The following FRMPD4 variants were observed in gnomAD, a reference collection of about 807,000 sequenced individuals.
FRMPD4 encodes FERM and PDZ domain-containing protein 4.
FRMPD4 carries 22 observed loss-of-function variants against 94.1 expected under a neutral mutation model. The ratio of observed to expected loss-of-function variants is 0.23; its 90% CI spans 0.17 to 0.33. The LOEUF (loss-of-function observed/expected upper bound fraction) is 0.33. Ranked by LOEUF, FRMPD4 falls within the 10% of genes least tolerant of loss-of-function variation. FRMPD4 has a pLI of 1.00. For synonymous variants in FRMPD4, 631 were observed against 548.6 expected (o/e 1.15, Z -2.10); for missense variants, 1,111 against 1,339.9 (o/e 0.83, Z 2.67).
rs2053686640 is a variant in FRMPD4, at chrX:11,861,479, C to A, written c.-160-3607C>A. ...AAACAAAATATGAAATAAAGAAGGT[C>A]ATTTAGCTTAACTTTTACTCCTGGA... On this transcript the variant is annotated intron_variant, in intron 1 of 18. Transcript: ENST00000640291. 2.7e-5 allele frequency among the ~76,000 whole-genome samples: 3 copies of A among 111,431 alleles called. No homozygotes were observed. The South Asian group carries it at 1.1e-3, about 42-fold the overall frequency.
At chrX:12,679,135 C>T (rs1192152422) in intron 5 of FRMPD4, among the ~76,000 whole-genome samples, 1 of 112,137 alleles carries the variant, frequency 8.9e-6, no homozygotes, top group Non-Finnish European at 1.9e-5. Context: ...ATGGAGAACA[C>T]CTGTGAGTCT....
At chrX:12,409,836 G>A (rs2056710526) in intron 1 of FRMPD4, among the ~76,000 whole-genome samples, 1 of 111,229 alleles carries the variant, frequency 9.0e-6, no homozygotes, top group African/African-American at 3.3e-5. Flanking sequence ...CGTGGGGGTA[G>A]GGGCAAAAAG....
At chrX:12,017,360 T>C (rs1426613614) in intron 3 of FRMPD4, among the ~76,000 whole-genome samples, 1 of 112,843 alleles carries the variant, frequency 8.9e-6, no homozygotes, top group Non-Finnish European at 1.9e-5. Flanking sequence ...TGGCTGTGTT[T>C]ATAACATCCT....
chrX:11,840,855 T>A (rs1302375832), intron 1 of FRMPD4, among the ~76,000 whole-genome samples: 2 of 107,048 alleles, frequency 1.9e-5, no homozygotes, highest in African/African-American at 3.4e-5. Context: ...TAACTCGTCA[T>A]TTAGCATTAC....
chrX:12,062,260 A>G (rs190671799), intron 3 of FRMPD4, among the ~76,000 whole-genome samples: 47 of 111,866 alleles, frequency 4.2e-4, no homozygotes, highest in African/African-American at 1.4e-3. Context: ...TTTTCAGTAC[A>G]TACAAATCCA....
intron 1 of FRMPD4, among the ~76,000 whole-genome samples, chrX:12,168,831 T>A (rs2056171741): frequency 9.0e-6 from 1 of 110,841 alleles, no homozygotes; most frequent in African/African-American, 3.3e-5. Flanking sequence ...TTCACCAGGT[T>A]AGCCAGGATG....
At chrX:12,107,244 T>A (rs997918908) in intron 3 of FRMPD4, among the ~76,000 whole-genome samples, 3 of 111,921 alleles carry the variant, frequency 2.7e-5, no homozygotes, top group Non-Finnish European at 3.8e-5. Flanking sequence ...TGTTCAGCAA[T>A]ATTCACTGTT....
intron 2 of FRMPD4, among the ~76,000 whole-genome samples, chrX:12,537,878 G>A (rs1468441952): frequency 2.7e-5 from 3 of 111,502 alleles, no homozygotes; most frequent in African/African-American, 9.8e-5. Context: ...ATGGTGAAAA[G>A]GTGGTTCCAA....
intron 1 of FRMPD4, among the ~76,000 whole-genome samples, chrX:11,852,231 T>G (rs2053627354): frequency 9.1e-6 from 1 of 109,786 alleles, no homozygotes; most frequent in Non-Finnish European, 1.9e-5. Flanking sequence ...ATCTTCTATT[T>G]AGGAACTACT....
At chrX:12,496,385 G>A in intron 1 of FRMPD4, among the ~76,000 whole-genome samples, 1 of 111,894 alleles carries the variant, frequency 8.9e-6, no homozygotes, top group South Asian at 3.7e-4. Flanking sequence ...TTCTAATGCA[G>A]ACCTACTGAA....
In FRMPD4 at chrX:12,339,490, G is replaced by A. The variant is rs1284738374; in HGVS notation, c.42-159190G>A. On this transcript the variant is annotated intron_variant, in intron 1 of 16. Coordinates refer to ENST00000675598, the MANE Select transcript of FRMPD4 (RefSeq NM_001368397.1). ...CTGTCCATGTTCAGGTACACAATTT[G>A]CCAGTTCATTAATTTCAGGCATATT... Among the ~76,000 whole-genome samples, 4 of 112,108 alleles carry A rather than the reference G, an allele frequency of 3.6e-5. No individual in the cohort carries two copies. The Admixed American group carries it at 3.8e-4, about 11-fold the overall frequency.
At chrX:12,112,075 C>G (rs898547418) in intron 3 of FRMPD4, among the ~76,000 whole-genome samples, 4 of 111,678 alleles carry the variant, frequency 3.6e-5, no homozygotes, top group African/African-American at 1.3e-4. Flanking sequence ...GGGTATATAC[C>G]CAAAGGACTA....
At chrX:12,270,945 T>C (rs1159696922) in intron 1 of FRMPD4, among the ~76,000 whole-genome samples, 1 of 112,081 alleles carries the variant, frequency 8.9e-6, no homozygotes, top group Non-Finnish European at 1.9e-5. Context: ...TTCTGTATTA[T>C]TTTTGCAATT....
chrX:12,477,020 G>A (rs1199311356), intron 1 of FRMPD4, among the ~76,000 whole-genome samples: 3 of 111,472 alleles, frequency 2.7e-5, no homozygotes, highest in African/African-American at 9.8e-5. Flanking sequence ...GTTTATTGTG[G>A]CACTATTCAC....
intron 1 of FRMPD4, among the ~76,000 whole-genome samples, chrX:11,855,796 A>C (rs769647765): frequency 6.2e-4 from 69 of 111,826 alleles, no homozygotes; most frequent in Non-Finnish European, 1.0e-3. Flanking sequence ...GGATGTTCCA[A>C]ACTTTCCCAC....
intron 2 of FRMPD4, among the ~76,000 whole-genome samples, chrX:12,502,060 A>AG (rs1743246638): frequency 8.9e-6 from 1 of 112,250 alleles, no homozygotes; most frequent in East Asian, 2.8e-4. Context: ...GAATAGACTG[A>AG]GGATCAGTAA....
intron 1 of FRMPD4, among the ~76,000 whole-genome samples, chrX:11,829,291 A>G (rs1416792172): frequency 8.9e-6 from 1 of 112,254 alleles, no homozygotes; most frequent in Non-Finnish European, 1.9e-5. Context: ...CATAGTATAT[A>G]TAATATACTG....
chrX:11,864,132 G>C (rs1203259551), intron 1 of FRMPD4, among the ~76,000 whole-genome samples: 1 of 110,942 alleles, frequency 9.0e-6, no homozygotes, highest in Non-Finnish European at 1.9e-5. Context: ...CCAGGCAGAG[G>C]AGGGGAAGAC....
chrX:11,910,407 A>C (rs2053990409), intron 3 of FRMPD4, among the ~76,000 whole-genome samples: 1 of 112,220 alleles, frequency 8.9e-6, no homozygotes, highest in African/African-American at 3.2e-5. Flanking sequence ...GTAATATAAG[A>C]TTAGAATTTA....
Sources: allele counts gnomAD v4.1 joint callset (sites outside exome capture counted in the v4.1 genomes callset), GRCh38; gene constraint gnomAD v4.1.1; transcripts MANE v1.5; gene names NCBI Gene and HGNC (gene_info 2026-07-23, HGNC 2026-07-21).